GNA12: variants seen among roughly 807,000 people sequenced by gnomAD.
GNA12 encodes guanine nucleotide-binding protein subunit alpha-12.
A neutral mutation model predicts 26.0 loss-of-function variants in GNA12; 9 were observed. The ratio of observed to expected loss-of-function variants is 0.35; its 90% confidence interval spans 0.21 to 0.60. GNA12 has a LOEUF of 0.60. GNA12 is among the 20% of genes least tolerant of loss of function. The pLI, the probability that GNA12 is intolerant of heterozygous loss-of-function variation, is 0.78. For missense variants in GNA12, 405 were observed against 525.8 expected (o/e 0.77, Z 2.25); for synonymous variants, 264 against 219.6 (o/e 1.20, Z -1.79).
At chr7:2,823,733 A>G (rs1161024849) in intron 1 of GNA12, among the ~76,000 whole-genome samples, 1 of 152,238 alleles carries the variant, frequency 6.6e-6, no homozygotes, top group Non-Finnish European at 1.5e-5. Flanking sequence ...AGCATGTTGC[A>G]GACATAATAA....
At chr7:2,768,532 A>G (rs1347948039) in intron 2 of GNA12, among the ~76,000 whole-genome samples, 1 of 152,178 alleles carries the variant, frequency 6.6e-6, no homozygotes, top group African/African-American at 2.4e-5. Flanking sequence ...TGGATGTAAC[A>G]CTCAGGAAAA....
chr7:2,782,300 A>G (rs901570039), intron 2 of GNA12, among the ~76,000 whole-genome samples: 4 of 152,230 alleles, frequency 2.6e-5, no homozygotes, highest in Non-Finnish European at 4.4e-5. Flanking sequence ...GTTAGTCTTC[A>G]TATTATTTCT....
chr7:2,790,826 T>C (rs1468431701), intron 2 of GNA12, among the ~76,000 whole-genome samples: 2 of 152,092 alleles, frequency 1.3e-5, no homozygotes, highest in East Asian at 1.9e-4. Context: ...AAGTAAAAAT[T>C]AGCCAGGTGT....
intron 1 of GNA12, among the ~76,000 whole-genome samples, chr7:2,807,790 T>G (rs144188018): frequency 5.3e-5 from 8 of 152,272 alleles, no homozygotes; most frequent in Non-Finnish European, 1.2e-4. Flanking sequence ...CACTTGGACA[T>G]GGCAATAATT....
intron 2 of GNA12, among the ~76,000 whole-genome samples, chr7:2,770,007 T>C (rs1345842030): frequency 6.6e-6 from 1 of 152,196 alleles, no homozygotes; most frequent in African/African-American, 2.4e-5. Flanking sequence ...TAAAGGTTTA[T>C]AATAGGAAGT....
At chr7:2,792,844 C>T (rs1267750378) in intron 2 of GNA12, among the ~76,000 whole-genome samples, 1 of 152,230 alleles carries the variant, frequency 6.6e-6, no homozygotes, top group Non-Finnish European at 1.5e-5. Flanking sequence ...TTAACATTTA[C>T]AGGCAAAAGC....
intron 2 of GNA12, among the ~76,000 whole-genome samples, chr7:2,783,236 G>C (rs78095400): frequency 1.3e-5 from 2 of 152,284 alleles, no homozygotes; most frequent in African/African-American, 4.8e-5. Flanking sequence ...TCTTTCCAGA[G>C]AAAGTTGGCT....
intron 2 of GNA12, among the ~76,000 whole-genome samples, chr7:2,739,897 T>C (rs1790412472): frequency 6.6e-6 from 1 of 152,216 alleles, no homozygotes; most frequent in Non-Finnish European, 1.5e-5. Context: ...GGTCTCGAAC[T>C]CCTGACCTCC....
chr7:2,761,490 T>C (rs988524389), intron 2 of GNA12, among the ~76,000 whole-genome samples: 6 of 152,200 alleles, frequency 3.9e-5, no homozygotes, highest in Admixed American at 3.9e-4. Flanking sequence ...AACTTTTTCC[T>C]AAAACCTGAT....
intron 1 of GNA12, among the ~76,000 whole-genome samples, chr7:2,839,170 C>A (rs151097636): frequency 4.5e-4 from 68 of 152,344 alleles, no homozygotes; most frequent in African/African-American, 1.6e-3. Context: ...TGAAACCATA[C>A]ACAGTATACT....
At chr7:2,762,458 C>T in intron 2 of GNA12, 2 of 563,350 alleles carry the variant, frequency 3.6e-6, no homozygotes, top group East Asian at 3.4e-5. Context: ...ACTCCAAAGT[C>T]CAGCCTCTGA....
intron 2 of GNA12, among the ~76,000 whole-genome samples, chr7:2,751,793 A>T (rs1791052797): frequency 6.6e-6 from 1 of 152,212 alleles, no homozygotes; most frequent in Non-Finnish European, 1.5e-5. Context: ...AAAAAATTTA[A>T]TTTCCCAAAA....
chr7:2,733,324 G>A (rs1789994556), intron 3 of GNA12, 127 bp downstream of exon 3: 2 of 751,188 alleles, frequency 2.7e-6, no homozygotes, highest in East Asian at 2.7e-5. Flanking sequence ...TACTATTCGT[G>A]GTAATGTGAC....
chr7:2,791,068 CTATAT>C (rs757572076), intron 2 of GNA12, among the ~76,000 whole-genome samples: 22 of 151,682 alleles, frequency 1.5e-4, no homozygotes, highest in Non-Finnish European at 1.3e-4. Flanking sequence ...CATCCACATA[CTATAT>C]TATAAGCACA....
intron 2 of GNA12, among the ~76,000 whole-genome samples, chr7:2,744,197 G>C (rs999762212): frequency 1.3e-5 from 2 of 152,242 alleles, no homozygotes. Flanking sequence ...CGCAGCTGGA[G>C]ATCTGAGAAC....
At chr7:2,747,216 A>G (rs1255855660) in intron 2 of GNA12, among the ~76,000 whole-genome samples, 3 of 152,342 alleles carry the variant, frequency 2.0e-5, no homozygotes, top group East Asian at 1.9e-4. Context: ...AGACACAACC[A>G]AAAAAGAGAA....
At chr7:2,742,420 T>C (rs1790554163) in intron 2 of GNA12, among the ~76,000 whole-genome samples, 1 of 152,192 alleles carries the variant, frequency 6.6e-6, no homozygotes, top group Non-Finnish European at 1.5e-5. Context: ...TTCCAGTCAG[T>C]GCCACTCCAT....
At chr7:2,824,281 G>A (rs1169368896) in intron 1 of GNA12, among the ~76,000 whole-genome samples, 1 of 152,088 alleles carries the variant, frequency 6.6e-6, no homozygotes, top group Admixed American at 6.6e-5. Context: ...AATCCTCAGG[G>A]ACAAAGAGCC....
intron 1 of GNA12, among the ~76,000 whole-genome samples, chr7:2,828,808 C>A (rs374744519): frequency 5.9e-5 from 9 of 152,164 alleles, no homozygotes; most frequent in African/African-American, 2.2e-4. Flanking sequence ...GTAATCCCAG[C>A]ATTTTGGGAG....
Sources: allele counts gnomAD v4.1 joint callset (sites outside exome capture counted in the v4.1 genomes callset), GRCh38; gene constraint gnomAD v4.1.1; transcripts MANE v1.5; gene names NCBI Gene and HGNC (gene_info 2026-07-23, HGNC 2026-07-21).